RFWD3: variants seen among roughly 807,000 people sequenced by gnomAD.
The protein encoded by RFWD3 is E3 ubiquitin-protein ligase RFWD3.
In RFWD3, 65 loss-of-function variants were observed where a neutral mutation model predicts 87.7. That is an observed-to-expected ratio of 0.74 (90% CI 0.61 to 0.91). The LOEUF is 0.91. Among genes scored for constraint, RFWD3 ranks in the 40% least tolerant of loss-of-function variants. The pLI, the probability that RFWD3 is intolerant of heterozygous loss-of-function variation, is 0.00. For synonymous variants in RFWD3, 433 were observed against 352.8 expected (o/e 1.23, Z -2.55); for missense variants, 1,078 against 938.5 (o/e 1.15, Z -1.94).
chr16:74,655,602 A>G (rs967444626), intron 2 of RFWD3, among the ~76,000 whole-genome samples: 3 of 149,040 alleles, frequency 2.0e-5, no homozygotes, highest in African/African-American at 7.4e-5. Context: ...AAATTATGCT[A>G]AATTTATTCT....
chr16:74,644,355 C>T lies in RFWD3; in HGVS notation c.1079+7G>A. 6.2e-7 allele frequency: 1 copy of T among 1,613,716 alleles called. No homozygotes were observed. Among genetic ancestry groups the T allele is most frequent in the Non-Finnish European group, 8.5e-7 (1 of 1,179,826 alleles). ...ACATTCCAGCCAGGCATACTCTTAC[C>T]ACCTACCTTTTCATGCGCTCCTGTT... On this transcript the variant is annotated splice_region_variant and intron_variant, in intron 6 of 12. Coordinates refer to ENST00000361070, the MANE Select transcript of RFWD3 (RefSeq NM_018124.4).
chr16:74,658,224 C>A (rs1961150446), intron 2 of RFWD3, among the ~76,000 whole-genome samples: 1 of 152,210 alleles, frequency 6.6e-6, no homozygotes, highest in African/African-American at 2.4e-5. Flanking sequence ...ATATTGTGAT[C>A]TGTGTTATTC....
chr16:74,660,922 A>G lies in RFWD3; in HGVS notation c.518+10T>C. 6.2e-7 allele frequency: 1 copy of G among 1,604,908 alleles called. No homozygotes were observed. Among genetic ancestry groups the G allele is most frequent in the Non-Finnish European group, 8.5e-7 (1 of 1,174,076 alleles). On this transcript the variant is annotated intron_variant, in intron 2 of 12. Coordinates refer to ENST00000361070, the MANE Select transcript of RFWD3 (RefSeq NM_018124.4). ...GCAATGATCACAGACTTATCCATAT[A>G]TTTATTTACCTGGCACTGTCTGTCC... is the stretch of plus-strand genomic sequence containing the variant.
At chr16:74,660,148 C>A (rs929336530) in intron 2 of RFWD3, among the ~76,000 whole-genome samples, 2 of 152,172 alleles carry the variant, frequency 1.3e-5, no homozygotes, top group East Asian at 3.8e-4. Context: ...AGGGCAGATC[C>A]AGGCTCCAAT....
At chr16:74,666,371 TGAA>T (rs1237027246) in intron 1 of RFWD3, 1 of 152,192 alleles carries the variant, frequency 6.6e-6, no homozygotes, top group African/African-American at 2.4e-5. Flanking sequence ...AAATTAAAAA[TGAA>T]GTTCTTCCAT....
chr16:74,632,379 G>T, intron 9 of RFWD3, 144 bp downstream of exon 9: 1 of 887,550 alleles, frequency 1.1e-6, no homozygotes, highest in Non-Finnish European at 1.7e-6. Context: ...GTGACAGAGC[G>T]AGACTCCATC....
chr16:74,645,605 G>T (rs999728925), intron 4 of RFWD3, among the ~76,000 whole-genome samples: 31 of 152,072 alleles, frequency 2.0e-4, no homozygotes, highest in African/African-American at 6.5e-4. Flanking sequence ...CGCCCGCCTT[G>T]GTCTCCCAAA....
At position 74,630,977 on chromosome 16, in the gene RFWD3, T is replaced by G; in HGVS notation, c.1578-20A>C. ...TCCAGGCTGTGGAGTTACAAAAGACTTTTACAACTGCATTAAGAAAATCAA... is the reference window on the plus strand; with the variant it reads ...TCCAGGCTGTGGAGTTACAAAAGACGTTTACAACTGCATTAAGAAAATCAA... On this transcript the variant is annotated intron_variant, in intron 9 of 12. Coordinates refer to ENST00000361070, the MANE Select transcript of RFWD3 (RefSeq NM_018124.4). 1 of 1,587,406 alleles carries G rather than the reference T, an allele frequency of 6.3e-7. No individual in the cohort carries two copies. The highest frequency in any genetic ancestry group is 1.9e-5 in the Admixed American group (1 of 52,656).
intron 8 of RFWD3, among the ~76,000 whole-genome samples, chr16:74,633,208 C>T (rs1401723844): frequency 2.7e-5 from 4 of 146,598 alleles, no homozygotes; most frequent in African/African-American, 1.0e-4. Context: ...ACCCAGGAGG[C>T]GGAGGTTGTA....
intron 4 of RFWD3, among the ~76,000 whole-genome samples, chr16:74,645,308 A>G (rs1379549240): frequency 1.3e-5 from 2 of 152,224 alleles, no homozygotes; most frequent in East Asian, 1.9e-4. Context: ...AAACACATAT[A>G]TCTTTCCTTT....
chr16:74,638,874 C>T (rs1959380757), intron 6 of RFWD3, among the ~76,000 whole-genome samples: 3 of 152,288 alleles, frequency 2.0e-5, no homozygotes, highest in South Asian at 4.2e-4. Flanking sequence ...AATGTACTTA[C>T]AGAAACCTAC....
At chr16:74,665,440 T>G (rs1357823770) in intron 1 of RFWD3, among the ~76,000 whole-genome samples, 3 of 151,556 alleles carry the variant, frequency 2.0e-5, no homozygotes, top group African/African-American at 7.3e-5. Flanking sequence ...TACCCGGGTG[T>G]GGTGGCGCAT....
chr16:74,641,446 A>G (rs1161117143), intron 6 of RFWD3, among the ~76,000 whole-genome samples: 1 of 137,894 alleles, frequency 7.3e-6, no homozygotes, highest in East Asian at 2.3e-4. Flanking sequence ...TATAGGTGTG[A>G]GCCACCACGC....
At chr16:74,630,671 T>C in intron 10 of RFWD3, 110 bp downstream of exon 10, 6 of 908,212 alleles carry the variant, frequency 6.6e-6, no homozygotes, top group Non-Finnish European at 9.4e-6. Flanking sequence ...CTTCAAAAAA[T>C]TTGTGAGGAT....
intron 4 of RFWD3, 92 bp from the exon 5 acceptor site, chr16:74,644,827 A>G: frequency 1.7e-6 from 2 of 1,176,122 alleles, no homozygotes; most frequent in South Asian, 3.0e-5. Context: ...GAAGTGCAAA[A>G]AAAATGATAC....
Position 74,636,528 on chromosome 16 carries a change from C to G in RFWD3, c.1244G>C (p.Arg415Thr), listed in dbSNP as rs1405226739. The G allele has an allele frequency of 9.3e-6, 15 of 1,613,912 alleles. No homozygotes were observed. The highest frequency in any genetic ancestry group is 1.0e-5 in the Non-Finnish European group (12 of 1,180,016). The change falls in exon 8 of 13, where the codon AGG becomes ACG. Residue 415 changes from arginine to threonine, a missense_variant. By Grantham distance (71) the Arg-to-Thr change is moderately conservative (BLOSUM62 -1). Coordinates refer to ENST00000361070, the MANE Select transcript of RFWD3 (RefSeq NM_018124.4). ...GCTCAGGACCCATGCTTGGGAGCCC[C>G]TGGGTTGCTGTAAATTCTGACTTTG... ...SHQSQNLQQP[R>T]GSQAWVLSCS...
rs1160720553 is a variant in RFWD3 at position 74,661,461 on chromosome 16, C to G, written c.-2-10G>C. On this transcript the variant is annotated splice_polypyrimidine_tract_variant and intron_variant, in intron 1 of 12. Transcript: ENST00000361070. ...GCTTCATGAGCCATCACTAGAGAAA[C>G]AGTATTTGTAAAAAGTATTAATAAA... 6.3e-6 allele frequency: 10 copies of G among 1,579,624 alleles called. No individual in the cohort carries two copies. Among genetic ancestry groups the G allele is most frequent in the African/African-American group, 2.7e-5 (2 of 73,350 alleles).
chr16:74,630,694 G>T (rs567529673), intron 10 of RFWD3, 87 bp downstream of exon 10: 1 of 1,191,876 alleles, frequency 8.4e-7, no homozygotes, highest in Non-Finnish European at 1.1e-6. Context: ...CTGACTAACT[G>T]TGGAACACCC....
At chr16:74,648,774 C>CA (rs916968117) in intron 4 of RFWD3, among the ~76,000 whole-genome samples, 32 of 145,166 alleles carry the variant, frequency 2.2e-4, no homozygotes, top group African/African-American at 4.3e-4. Flanking sequence ...GACTCCGTCT[C>CA]AAAAAAAAAG....
Sources: gnomAD v4.1 joint callset for allele counts (sites outside exome capture counted in the v4.1 genomes callset) on GRCh38, gnomAD v4.1.1 for gene constraint, MANE v1.5 for transcripts, NCBI Gene and HGNC (gene_info 2026-07-23, HGNC 2026-07-21) for gene names.